Variants in KCNN2 observed in about 807,000 individuals in gnomAD.
KCNN2 encodes small conductance calcium-activated potassium channel protein 2.
KCNN2 carries 24 observed loss-of-function variants against 55.5 expected under a neutral mutation model. That is an observed-to-expected ratio of 0.43 (90% confidence interval 0.31 to 0.61). KCNN2 has a LOEUF of 0.61. KCNN2 is among the 20% of genes least tolerant of loss of function. KCNN2 has a pLI of 0.08. For missense variants in KCNN2, 754 were observed against 853.6 expected, an observed-to-expected ratio of 0.88 and a Z score of 1.45; for synonymous variants, 431 against 336.1, an observed-to-expected ratio of 1.28 and a Z score of -3.09.
At chr5:114,085,145 G>A (rs1197082244) in intron 1 of KCNN2, among the ~76,000 whole-genome samples, 1 of 151,764 alleles carries the variant, frequency 6.6e-6, no homozygotes, top group East Asian at 1.9e-4. Flanking sequence ...AAGTCAGATA[G>A]TGTGTGTTCT....
chr5:114,100,482 T>C (rs1471969839), intron 1 of KCNN2, among the ~76,000 whole-genome samples: 5 of 152,128 alleles, frequency 3.3e-5, no homozygotes, highest in African/African-American at 1.2e-4. Flanking sequence ...AAACCAGTGT[T>C]CTCACTGCAG....
At chr5:114,479,440 T>G (rs768588160) in intron 5 of KCNN2, among the ~76,000 whole-genome samples, 2 of 152,146 alleles carry the variant, frequency 1.3e-5, no homozygotes, top group Non-Finnish European at 2.9e-5. Flanking sequence ...CAAAGAGACA[T>G]TGACTTCCAC....
At chr5:114,349,880 G>C (rs1757176874) in intron 2 of KCNN2, among the ~76,000 whole-genome samples, 1 of 151,974 alleles carries the variant, frequency 6.6e-6, no homozygotes, top group Non-Finnish European at 1.5e-5. Flanking sequence ...AGTGTGTGAA[G>C]GTTCAAATTT....
chr5:114,450,064 G>C (rs2150103085), intron 3 of KCNN2, among the ~76,000 whole-genome samples: 1 of 152,290 alleles, frequency 6.6e-6, no homozygotes, highest in Admixed American at 6.5e-5. Flanking sequence ...ATAAACTGGT[G>C]TGGCACTGCC....
chr5:114,361,100 G>A (rs1301180273), upstream of KCNN2: 1 of 152,256 alleles, frequency 6.6e-6, no homozygotes, highest in Non-Finnish European at 1.5e-5. Flanking sequence ...CAGAGCCCAG[G>A]ACCCGGCGGC....
chr5:114,100,469 T>C (rs536001319), intron 1 of KCNN2, among the ~76,000 whole-genome samples: 2 of 152,262 alleles, frequency 1.3e-5, no homozygotes, highest in South Asian at 4.1e-4. Flanking sequence ...ATATTGTTCA[T>C]GGAAACCAGT....
chr5:114,204,880 TAATAC>T (rs536872367), intron 1 of KCNN2, among the ~76,000 whole-genome samples: 19 of 152,228 alleles, frequency 1.2e-4, no homozygotes, highest in Non-Finnish European at 2.4e-4. Flanking sequence ...ATGTCCTTAT[TAATAC>T]AATTTCCAAA....
At chr5:114,214,438 C>T (rs898181271) in intron 1 of KCNN2, among the ~76,000 whole-genome samples, 3 of 151,996 alleles carry the variant, frequency 2.0e-5, no homozygotes, top group African/African-American at 4.8e-5. Flanking sequence ...AATTCTGCTC[C>T]AGCCAGATTG....
intron 3 of KCNN2, among the ~76,000 whole-genome samples, chr5:114,449,275 T>C (rs766426499): frequency 9.9e-5 from 15 of 152,150 alleles, no homozygotes; most frequent in Non-Finnish European, 1.6e-4. Context: ...CTAGTTACTG[T>C]GCTCATTGGC....
chr5:114,335,612 C>G (rs1031470989), intron 2 of KCNN2, among the ~76,000 whole-genome samples: 1 of 152,162 alleles, frequency 6.6e-6, no homozygotes, highest in Non-Finnish European at 1.5e-5. Context: ...TCTAAAAATA[C>G]AGACCTACTA....
chr5:114,268,492 G>A (rs1755255073), intron 2 of KCNN2, among the ~76,000 whole-genome samples: 1 of 152,156 alleles, frequency 6.6e-6, no homozygotes, highest in Non-Finnish European at 1.5e-5. Context: ...TGGCTAATAT[G>A]AAGCCTTTTT....
intron 2 of KCNN2, among the ~76,000 whole-genome samples, chr5:114,331,418 G>T (rs886603074): frequency 1.2e-4 from 19 of 152,306 alleles, no homozygotes; most frequent in African/African-American, 3.4e-4. Flanking sequence ...TCAGCTACAT[G>T]CAGGCCATGG....
At chr5:114,098,636 T>C (rs1412255768) in intron 1 of KCNN2, among the ~76,000 whole-genome samples, 1 of 151,700 alleles carries the variant, frequency 6.6e-6, no homozygotes, top group East Asian at 1.9e-4. Context: ...GAAAAAATTG[T>C]CTCCCACGAA....
chr5:114,170,653 T>C (rs1407641915), intron 1 of KCNN2, among the ~76,000 whole-genome samples: 1 of 152,032 alleles, frequency 6.6e-6, no homozygotes, highest in African/African-American at 2.4e-5. Context: ...TTGAAAATTA[T>C]GGCTCGTCTC....
At chr5:114,339,234 C>T (rs760943945) in intron 2 of KCNN2, among the ~76,000 whole-genome samples, 17 of 152,204 alleles carry the variant, frequency 1.1e-4, no homozygotes, top group African/African-American at 1.9e-4. Context: ...CTACCATGTT[C>T]GTGAAGGCTG....
At chr5:114,343,260 G>GTT (rs1350165994) in intron 2 of KCNN2, among the ~76,000 whole-genome samples, 2 of 152,296 alleles carry the variant, frequency 1.3e-5, no homozygotes, top group African/African-American at 4.8e-5. Context: ...AAGGGCTGTG[G>GTT]TTTGTTCTGT....
intron 6 of KCNN2, 96 bp from the exon 7 acceptor site, chr5:114,493,307 T>C (rs1381692470): frequency 1.2e-6 from 1 of 812,566 alleles, no homozygotes; most frequent in East Asian, 2.4e-5. Flanking sequence ...ATCCATGCAG[T>C]TATTTGCTCT....
intron 1 of KCNN2, among the ~76,000 whole-genome samples, chr5:114,068,181 A>G (rs1251731993): frequency 6.6e-6 from 1 of 152,240 alleles, no homozygotes; most frequent in Non-Finnish European, 1.5e-5. Context: ...CAAATATTCT[A>G]ACAAATACTT....
chr5:114,496,483 A>T lies in KCNN2; in HGVS notation c.*301A>T. 4.4e-6 allele frequency: 1 copy of T among 229,524 alleles called. No individual in the cohort carries two copies. The allele number at this position is 229,524 out of a possible 1,614,324, so 14.2% of individuals were successfully genotyped here. The stretch of plus-strand genomic sequence containing the variant: ...ACATTATATGATATATAATAAAAAA[A>T]GTTAATTTCTGCACATACTCGTTTG... On this transcript the variant is annotated 3_prime_UTR_variant, in exon 8 of 8. Coordinates refer to ENST00000673685, the MANE Select transcript of KCNN2 (RefSeq NM_021614.4).
Sources: allele counts gnomAD v4.1 joint callset (sites outside exome capture counted in the v4.1 genomes callset), GRCh38; gene constraint gnomAD v4.1.1; transcripts MANE v1.5; gene names NCBI Gene and HGNC (gene_info 2026-07-23, HGNC 2026-07-21).